Variants in RAD23B observed in about 807,000 individuals in gnomAD.
RAD23B encodes RAD23 nucleotide excision repair protein B, also known as lysine-specific demethylase RAD23B.
Under a neutral mutation model 49.1 loss-of-function variants are expected in RAD23B, and 5 were observed. That is an observed-to-expected ratio of 0.10 (90% CI 0.05 to 0.21). The LOEUF (loss-of-function observed/expected upper bound fraction) is 0.21. Ranked by LOEUF, RAD23B falls within the 10% of genes least tolerant of loss-of-function variation. The pLI is 1.00. For synonymous variants in RAD23B, 184 were observed against 165.4 expected (o/e 1.11, Z -0.86); for missense variants, 356 against 486.7 (o/e 0.73, Z 2.53).
intron 5 of RAD23B, among the ~76,000 whole-genome samples, chr9:107,317,091 CGTGCGTGT>C (rs1046855890): frequency 3.7e-5 from 2 of 54,112 alleles, no homozygotes; most frequent in African/African-American, 2.7e-4. Flanking sequence ...TGCGCACACG[CGTGCGTGT>C]GTGTGTGTGT....
At chr9:107,300,354 A>G in intron 2 of RAD23B, 132 bp downstream of exon 2, 1 of 1,059,156 alleles carries the variant, frequency 9.4e-7, no homozygotes, top group Non-Finnish European at 1.3e-6. Flanking sequence ...GTGAAAGAGC[A>G]GTCATTTGAA....
At chr9:107,325,313 CAAAAAAAAAAAAA>C (rs34042765) in intron 9 of RAD23B, among the ~76,000 whole-genome samples, 4 of 61,386 alleles carry the variant, frequency 6.5e-5, no homozygotes, top group African/African-American at 2.6e-4. Context: ...GACTCTGTCT[CAAAAAAAAAAAAA>C]AAAAAAAAAA....
chr9:107,313,101 T>G (rs894838884), intron 5 of RAD23B, among the ~76,000 whole-genome samples: 9 of 152,182 alleles, frequency 5.9e-5, no homozygotes, highest in Non-Finnish European at 1.3e-4. Context: ...TAACCTTGCT[T>G]CTTTAAACTT....
At chr9:107,324,346 C>G (rs1827162089) in intron 8 of RAD23B, among the ~76,000 whole-genome samples, 1 of 152,168 alleles carries the variant, frequency 6.6e-6, no homozygotes, top group Non-Finnish European at 1.5e-5. Context: ...AATCACTTTT[C>G]ACAAGCTTAT....
At chr9:107,294,226 GTT>G (rs1833443205) in intron 1 of RAD23B, among the ~76,000 whole-genome samples, 1 of 152,144 alleles carries the variant, frequency 6.6e-6, no homozygotes, top group Non-Finnish European at 1.5e-5. Flanking sequence ...TGTTGAGTAC[GTT>G]TTTATTTTTA....
intron 6 of RAD23B, 137 bp downstream of exon 6, chr9:107,319,016 T>A: frequency 1.2e-6 from 1 of 834,136 alleles, no homozygotes; most frequent in Non-Finnish European, 1.7e-6. Context: ...TTCTAGTATG[T>A]TTGTATTTTG....
chr9:107,315,401 G>C (rs1185615044), intron 5 of RAD23B, among the ~76,000 whole-genome samples: 1 of 152,140 alleles, frequency 6.6e-6, no homozygotes, highest in Non-Finnish European at 1.5e-5. Context: ...TTTGAAGTCA[G>C]GCAATATTGA....
At chr9:107,302,162 T>C (rs2133075383) in intron 3 of RAD23B, 48 bp downstream of exon 3, 1 of 1,606,140 alleles carries the variant, frequency 6.2e-7, no homozygotes, top group Non-Finnish European at 8.5e-7. Flanking sequence ...TAGGTCTTTT[T>C]AAAAATGATG....
chr9:107,286,223 A>G (rs547437142), intron 1 of RAD23B, among the ~76,000 whole-genome samples: 1 of 152,202 alleles, frequency 6.6e-6, no homozygotes, highest in African/African-American at 2.4e-5. Flanking sequence ...GGACTGTGAG[A>G]TAAGTGGAAT....
chr9:107,300,001 A>ATTGGAAAAACATAATATTTGAGGTT, intron 1 of RAD23B, 140 bp from the exon 2 acceptor site: 1 of 1,114,474 alleles, frequency 9.0e-7, no homozygotes. Flanking sequence ...TTTGATATAA[A>ATTGGAAAAACATAATATTTGAGGTT]TTGGAAAAAC....
At chr9:107,315,504 G>GT (rs796698513) in intron 5 of RAD23B, among the ~76,000 whole-genome samples, 47 of 151,576 alleles carry the variant, frequency 3.1e-4, no homozygotes, top group South Asian at 1.0e-3. Flanking sequence ...TCTCGTTTTT[G>GT]TTTTTTTTGT....
chr9:107,317,095 C>CGTGT (rs10603112), intron 5 of RAD23B, among the ~76,000 whole-genome samples: 6 of 149,914 alleles, frequency 4.0e-5, no homozygotes, highest in East Asian at 2.0e-4. Context: ...CACACGCGTG[C>CGTGT]GTGTGTGTGT....
At chr9:107,284,358 C>T (rs1833229398) in intron 1 of RAD23B, among the ~76,000 whole-genome samples, 1 of 152,050 alleles carries the variant, frequency 6.6e-6, no homozygotes, top group Admixed American at 6.6e-5. Context: ...CTCTTCACAG[C>T]CATCCAGGCT....
At chr9:107,311,828 G>C (rs984746819) in intron 5 of RAD23B, 91 bp downstream of exon 5, 3 of 967,174 alleles carry the variant, frequency 3.1e-6, no homozygotes, top group Non-Finnish European at 3.1e-6. Flanking sequence ...TTAATAATTT[G>C]CATGGTTGTT....
In RAD23B at chr9:107,322,113, C is replaced by T. The variant is rs776063038; in HGVS notation, c.812C>T (p.Ser271Phe). 4.4e-6 allele frequency: 7 copies of T among 1,601,500 alleles called. No individual in the cohort carries two copies. The African/African-American group carries it at 9.4e-5, about 21-fold the overall frequency. Reference sequence around the variant, plus strand: ...ACAGCAACAACTACAACAACAAGTTCTGGAGGTAAAGCGGAATCTTCTGGA... The same window carrying T: ...ACAGCAACAACTACAACAACAAGTTTTGGAGGTAAAGCGGAATCTTCTGGA... ...TTTATTTTTS[S>F]GGHPLEFLRN... Residue 271 changes from serine (S) to phenylalanine (F), a missense_variant, in exon 7 of 10, where the codon TCT becomes TTT. Physicochemically the swap from Ser to Phe is radical, Grantham distance 155. Around this residue, in one of 5 missense-constraint regions of RAD23B, gnomAD observed 148 missense variants for 231.7 expected, o/e 0.64. Coordinates refer to ENST00000358015, the MANE Select transcript of RAD23B (RefSeq NM_002874.5).
chr9:107,314,799 T>TA (rs1190673893), intron 5 of RAD23B, among the ~76,000 whole-genome samples: 1 of 152,204 alleles, frequency 6.6e-6, no homozygotes, highest in Non-Finnish European at 1.5e-5. Context: ...CAGCAGTGTA[T>TA]AAGCATTCTA....
At chr9:107,325,313 C>CA (rs34042765) in intron 9 of RAD23B, among the ~76,000 whole-genome samples, 6,506 of 61,160 alleles carry the variant, frequency 0.11, 766 homozygotes, top group East Asian at 0.38. Context: ...GACTCTGTCT[C>CA]AAAAAAAAAA....
rs1261264668 is a variant in RAD23B, at chr9:107,331,886, T to G, written c.*2230T>G. 2.0e-6 allele frequency: 1 copy of G among 497,974 alleles called. No homozygotes were observed. The highest frequency in any genetic ancestry group is 3.6e-6 in the Non-Finnish European group (1 of 279,216). 30.8% of individuals were successfully genotyped at this position (497,974 alleles called of 1,614,324 possible). A position where few individuals can be genotyped will look rare whatever the true frequency, so the allele number is the denominator to read the frequency against. On this transcript the variant is annotated 3_prime_UTR_variant, in exon 10 of 10. Transcript: ENST00000358015. ...GAGACACCATAAAAGAAATAGGCTT[T>G]TTGTGCCTTTTGCTGTTAATGTTTA...
rs1827049609 is a variant in RAD23B at position 107,318,864 on chromosome 9, G to A, written c.666G>A (p.Val222=). Reference sequence around the variant, plus strand: ...GTTTCAACAACCCTGACAGAGCAGTGGAGTATCTTTTAATGGTGAGAAATA... The same window carrying A: ...GTTTCAACAACCCTGACAGAGCAGTAGAGTATCTTTTAATGGTGAGAAATA... ...RASFNNPDRA[V]EYLLMGIPGD... is the part of the protein sequence containing the mutation. The change falls in exon 6 of 10, where the codon GTG becomes GTA. Residue 222 remains valine, a synonymous_variant. Transcript: ENST00000358015. This position sits in a 1 kb window ranked among gnomAD's most constrained non-coding sequence, Gnocchi z 4.3. The A allele has an allele frequency of 1.2e-6, 2 of 1,612,578 alleles. No individual in the cohort carries two copies. Among genetic ancestry groups the A allele is most frequent in the Admixed American group, 1.7e-5 (1 of 59,844 alleles).
Sources: gnomAD v4.1 joint callset for allele counts (sites outside exome capture counted in the v4.1 genomes callset) on GRCh38, gnomAD v4.1.1 for gene constraint, gnomAD v4.1.1 regional missense constraint, Gnocchi (gnomAD v3.1) non-coding constraint, MANE v1.5 for transcripts, NCBI Gene and HGNC (gene_info 2026-07-23, HGNC 2026-07-21) for gene names.